The following TUBAL3 variants were observed in gnomAD, a reference collection of about 807,000 sequenced individuals.
TUBAL3 encodes the protein tubulin alpha chain-like 3.
In TUBAL3, 16 loss-of-function variants were observed where a neutral mutation model predicts 15.5. The ratio of observed to expected loss-of-function variants is 1.04; its 90% CI spans 0.70 to 1.57. The LOEUF is 1.57. Among genes scored for constraint, TUBAL3 ranks in the 40% most tolerant of loss-of-function variants. The probability of loss-of-function intolerance (pLI) is 0.00; values close to 1 mark genes in which losing one functional copy is unlikely to be tolerated. For synonymous variants in TUBAL3, 238 were observed against 224.3 expected (o/e 1.06, Z -0.55); for missense variants, 609 against 576.2 (o/e 1.06, Z -0.58).
intron 2 of TUBAL3, 110 bp downstream of exon 2, chr10:5,400,734 G>C (rs1831837232): frequency 1.5e-6 from 2 of 1,376,068 alleles, no homozygotes; most frequent in South Asian, 2.6e-5. Flanking sequence ...ATTTGGGAAA[G>C]GTCCATGTGA....
In TUBAL3 at chr10:5,397,344, T is replaced by C. The variant is rs1554814251; in HGVS notation, c.248-1869A>G. ...CTTACACACAAACCTCCCCCAGAGC[T>C]AGGATGTTTAAAAGATATATTTATA... is the stretch of plus-strand genomic sequence containing the variant. On this transcript the variant is annotated intron_variant, in intron 2 of 3. Transcript: ENST00000380419. The surrounding 1 kb of genome is among the most constrained non-coding windows in gnomAD (Gnocchi z 4.9). Among the ~76,000 whole-genome samples the C allele has an allele frequency of 6.6e-6, 1 of 152,212 alleles. No homozygotes were observed. The highest frequency in any genetic ancestry group is 2.4e-5 in the African/African-American group (1 of 41,446).
Position 5,395,190 on chromosome 10 carries a change from G to T in TUBAL3, c.396+137C>A. 1 of 953,674 alleles carries T rather than the reference G, an allele frequency of 1.0e-6. No homozygotes were observed. Among genetic ancestry groups the T allele is most frequent in the Non-Finnish European group, 1.5e-6 (1 of 685,704 alleles). The allele number at this position is 953,674 out of a possible 1,614,324, so 59.1% of individuals were successfully genotyped here. On this transcript the variant is annotated intron_variant, in intron 3 of 3. Transcript: ENST00000380419. The surrounding 1 kb of genome is among the most constrained non-coding windows in gnomAD (Gnocchi z 4.6). Reference sequence around the variant, plus strand: ...AAGCCAAGATGAGAACCCCTCCCCAGTTCTGAGCACCCAGACCAGAGCCCA... The same window carrying T: ...AAGCCAAGATGAGAACCCCTCCCCATTTCTGAGCACCCAGACCAGAGCCCA...
intron 2 of TUBAL3, among the ~76,000 whole-genome samples, chr10:5,398,238 T>C (rs1254819678): frequency 6.6e-6 from 1 of 151,950 alleles, no homozygotes; most frequent in Non-Finnish European, 1.5e-5. Context: ...CTGGCCAACG[T>C]GGTGAAACCC....
rs782257792 is a variant in TUBAL3, at chr10:5,394,071, G to C, written c.787C>G (p.Gln263Glu). The C allele has an allele frequency of 5.6e-6, 9 of 1,614,208 alleles. No individual in the cohort carries two copies. The highest frequency in any genetic ancestry group is 5.9e-6 in the Non-Finnish European group (7 of 1,180,048). The change falls in exon 4 of 4, where the codon CAG (glutamine) becomes GAG (glutamate). Residue 263 changes from glutamine (Q) to glutamate (E), a missense_variant. Transcript: ENST00000380419. The surrounding 1 kb of genome is among the most constrained non-coding windows in gnomAD (Gnocchi z 4.3). ...GPLNVDLIEF[Q>E]TNLVPYPRIH... ...CTCGGATAAGGTACCAGGTTGGTCTGGAATTCAATTAGGTCTACATTCAAG... is the reference window on the plus strand; with the variant it reads ...CTCGGATAAGGTACCAGGTTGGTCTCGAATTCAATTAGGTCTACATTCAAG...
At position 5,397,150 on chromosome 10, in the gene TUBAL3, C is replaced by G. The variant is rs1401402737; in HGVS notation, c.248-1675G>C. Among the ~76,000 whole-genome samples the G allele has an allele frequency of 6.6e-6, 1 of 152,210 alleles. No individual in the cohort carries two copies. The highest frequency in any genetic ancestry group is 1.5e-5 in the Non-Finnish European group (1 of 68,046). ...TTGGCAGCAGATAGCTGAGCCAGTCCTAGAAGCTCACAGCCTAAGGAGAAA... is the reference window on the plus strand; with the variant it reads ...TTGGCAGCAGATAGCTGAGCCAGTCGTAGAAGCTCACAGCCTAAGGAGAAA... On this transcript the variant is annotated intron_variant, in intron 2 of 3. Coordinates refer to ENST00000380419, the MANE Select transcript of TUBAL3 (RefSeq NM_024803.3). The surrounding 1 kb of genome is among the most constrained non-coding windows in gnomAD (Gnocchi z 4.9).
Position 5,394,544 on chromosome 10 carries a change from G to T in TUBAL3, c.397-83C>A. ...TGGACAGTAGTGGCAGGATACAACAGGTTTCCCCAAAACAAAATCTTTCAG... is the reference window on the plus strand; with the variant it reads ...TGGACAGTAGTGGCAGGATACAACATGTTTCCCCAAAACAAAATCTTTCAG... On this transcript the variant is annotated intron_variant, in intron 3 of 3. Transcript: ENST00000380419. This position sits in a 1 kb window ranked among gnomAD's most constrained non-coding sequence, Gnocchi z 4.3. 1.5e-6 allele frequency: 2 copies of T among 1,310,266 alleles called. No homozygotes were observed. The highest frequency in any genetic ancestry group is 1.5e-5 in the South Asian group (1 of 66,570). 81.2% of individuals were successfully genotyped at this position (1,310,266 alleles called of 1,614,324 possible). A position where few individuals can be genotyped will look rare whatever the true frequency, so the allele number is the denominator to read the frequency against.
intron 2 of TUBAL3, among the ~76,000 whole-genome samples, chr10:5,398,117 T>C (rs879964070): frequency 1.3e-5 from 2 of 151,912 alleles, no homozygotes; most frequent in Admixed American, 6.6e-5. Context: ...TGAGACCCTA[T>C]CTCTATAAAA....
chr10:5,400,952 CAT>C lies in TUBAL3; in HGVS notation c.137_138del (p.Asn46SerfsTer16). ...VLDTQQDQLE[N>X]AKMEHTNASF... ...GATGCATTTGTGTGCTCCATTTTTG[CAT>C]TTTCCAGCTGATCCTGTTGAGTGTC... On this transcript the variant is annotated frameshift_variant, in exon 2 of 4. Coordinates refer to ENST00000380419, the MANE Select transcript of TUBAL3 (RefSeq NM_024803.3). LOFTEE classifies it high-confidence loss of function. 1 of 1,614,236 alleles carries C rather than the reference CAT, an allele frequency of 6.2e-7. No homozygotes were observed. Among genetic ancestry groups the C allele is most frequent in the Non-Finnish European group, 8.5e-7 (1 of 1,180,032 alleles).
Position 5,395,635 on chromosome 10 carries a change from T to C in TUBAL3, c.248-160A>G, listed in dbSNP as rs958136242. Among the ~76,000 whole-genome samples the C allele has an allele frequency of 9.2e-5, 14 of 152,208 alleles. No homozygotes were observed. The highest frequency in any genetic ancestry group is 3.1e-4 in the African/African-American group (13 of 41,442). ...TAGATAGTGCTGAATTAGCCCGTCT[T>C]AGTCCAGGAGAAGTGGAATTTTTTA... On this transcript the variant is annotated intron_variant, in intron 2 of 3. Transcript: ENST00000380419. The surrounding 1 kb of genome is among the most constrained non-coding windows in gnomAD (Gnocchi z 4.6).
intron 1 of TUBAL3, among the ~76,000 whole-genome samples, chr10:5,404,334 C>A (rs185984720): frequency 6.6e-6 from 1 of 152,274 alleles, no homozygotes; most frequent in Non-Finnish European, 1.5e-5. Flanking sequence ...GAACTAAACT[C>A]AAGGGAGGGC....
chr10:5,402,083 G>A (rs1379083314), intron 1 of TUBAL3, among the ~76,000 whole-genome samples: 3 of 152,090 alleles, frequency 2.0e-5, no homozygotes, highest in East Asian at 1.9e-4. Context: ...TGTCCAATAT[G>A]TTCAAAAATA....
rs1384869004 is a variant in TUBAL3, at chr10:5,401,032, C to T, written c.59G>A (p.Cys20Tyr). The change falls in exon 2 of 4, where the codon TGC becomes TAC. Residue 20 changes from cysteine (C) to tyrosine (Y), a missense_variant. Physicochemically the swap from Cys to Tyr is radical, Grantham distance 194 (BLOSUM62 -2). Transcript: ENST00000380419. ...GQAGIQIGDA[C>Y]WELYCLEHGI... The stretch of plus-strand genomic sequence containing the variant: ...ATGTTCCAGGCAATAGAGTTCCCAG[C>T]AGGCGTCCCCAATCTGGATGCCAGC... 1.2e-6 allele frequency: 2 copies of T among 1,614,074 alleles called. No individual in the cohort carries two copies. Among genetic ancestry groups the T allele is most frequent in the Non-Finnish European group, 8.5e-7 (1 of 1,180,040 alleles).
At position 5,396,249 on chromosome 10, in the gene TUBAL3, T is replaced by G. The variant is rs1474191341; in HGVS notation, c.248-774A>C. Among the ~76,000 whole-genome samples the G allele has an allele frequency of 6.6e-6, 1 of 152,002 alleles. No homozygotes were observed. Among genetic ancestry groups the G allele is most frequent in the East Asian group, 1.9e-4 (1 of 5,192 alleles). On this transcript the variant is annotated intron_variant, in intron 2 of 3. Transcript: ENST00000380419. The surrounding 1 kb of genome is among the most constrained non-coding windows in gnomAD (Gnocchi z 5.1). Reference sequence around the variant, plus strand: ...TATCCAGGGCACAGTGGCTCACACCTGTAATCCCAGCACTTTGGGAGGCTG... The same window carrying G: ...TATCCAGGGCACAGTGGCTCACACCGGTAATCCCAGCACTTTGGGAGGCTG...
Position 5,395,330 on chromosome 10 carries a change from C to A in TUBAL3, c.393G>T (p.Lys131Asn). 1 of 1,545,176 alleles carries A rather than the reference C, an allele frequency of 6.5e-7. No homozygotes were observed. The change falls in exon 3 of 4, where the codon AAG (lysine) becomes AAT (asparagine). Residue 131 changes from lysine (K) to asparagine (N), a missense_variant. Lys to Asn is a moderately conservative substitution (Grantham distance 94). Transcript: ENST00000380419. The surrounding 1 kb of genome is among the most constrained non-coding windows in gnomAD (Gnocchi z 4.6). ...VIDLVLERTR[K>N]LAEQCGGLQG... ...GAGGAGAGGGGGAGCCACTTGCCAG[C>A]TTCCGGGTCCTCTCCAGCACAAGGT...
In TUBAL3 at chr10:5,394,387, C is replaced by G. The variant is rs12359438; in HGVS notation, c.471G>C (p.Thr157=). 1 of 1,614,092 alleles carries G rather than the reference C, an allele frequency of 6.2e-7. No homozygotes were observed. Among genetic ancestry groups the G allele is most frequent in the East Asian group, 2.2e-5 (1 of 44,884 alleles). Residue 157 remains threonine (T), a synonymous_variant, in exon 4 of 4, where the codon ACG becomes ACC. Transcript: ENST00000380419. This position sits in a 1 kb window ranked among gnomAD's most constrained non-coding sequence, Gnocchi z 4.3. ...CTGTGAGCCTCTCCATTAAGAGAGA[C>G]GTAAACCCTGAACCAGTGCCTCCTC... ...SFGGGTGSGF[T]SLLMERLTGE...
In TUBAL3 at chr10:5,393,486, T is replaced by C. The variant is rs782350511; in HGVS notation, c.*31A>G. The C allele has an allele frequency of 1.6e-5, 25 of 1,536,880 alleles. No homozygotes were observed. The highest frequency in any genetic ancestry group is 3.5e-4 in the Middle Eastern group (2 of 5,744). Reference sequence around the variant, plus strand: ...TGAAAAGAAAACATGCCATTTTAACTTGACATTCATTTGCACCCATCATAC... The same window carrying C: ...TGAAAAGAAAACATGCCATTTTAACCTGACATTCATTTGCACCCATCATAC... On this transcript the variant is annotated 3_prime_UTR_variant, in exon 4 of 4. Coordinates refer to ENST00000380419, the MANE Select transcript of TUBAL3 (RefSeq NM_024803.3).
chr10:5,395,472 C>A lies in TUBAL3; in HGVS notation c.251G>T (p.Gly84Val). ...FVDLEPTVID[G>V]IRTGQHRSLF... ...TGAACGGTGCTGGCCCGTCCGGATC[C>A]CATCTGCAGAGGGTGAAAGGAGGTC... The change falls in exon 3 of 4, where the codon GGG becomes GTG. Residue 84 changes from glycine to valine, a missense_variant. Gly to Val is a moderately radical substitution (Grantham distance 109). Coordinates refer to ENST00000380419, the MANE Select transcript of TUBAL3 (RefSeq NM_024803.3). The surrounding 1 kb of genome is among the most constrained non-coding windows in gnomAD (Gnocchi z 4.6). 6.6e-7 allele frequency: 1 copy of A among 1,521,566 alleles called. No individual in the cohort carries two copies. The highest frequency in any genetic ancestry group is 2.5e-5 in the East Asian group (1 of 40,590). 94.3% of individuals were successfully genotyped at this position (1,521,566 alleles called of 1,614,324 possible). A position where few individuals can be genotyped will look rare whatever the true frequency, so the allele number is the denominator to read the frequency against.
chr10:5,393,902 T>C lies in TUBAL3; in HGVS notation c.956A>G (p.Tyr319Cys). 6.2e-7 allele frequency: 1 copy of C among 1,614,236 alleles called. No homozygotes were observed. Among genetic ancestry groups the C allele is most frequent in the South Asian group, 1.1e-5 (1 of 91,086 alleles). The change falls in exon 4 of 4, where the codon TAC (tyrosine) becomes TGC (cysteine). Residue 319 changes from tyrosine (Y) to cysteine (C), a missense_variant. By Grantham distance (194) the Tyr-to-Cys change is radical. Coordinates refer to ENST00000380419, the MANE Select transcript of TUBAL3 (RefSeq NM_024803.3). ...TCTATAGAGTAGGCAGCAGGCCATGTACTTCCCAAGCCGAGGATCACACTT... is the reference window on the plus strand; with the variant it reads ...TCTATAGAGTAGGCAGCAGGCCATGCACTTCCCAAGCCGAGGATCACACTT... Reference protein sequence around the residue: ...LVKCDPRLGKYMACCLLYRGD... With the variant: ...LVKCDPRLGKCMACCLLYRGD...
At position 5,395,392 on chromosome 10, in the gene TUBAL3, CG is replaced by C. The variant is rs1831748159; in HGVS notation, c.330del (p.Tyr110Ter). 1 of 1,606,862 alleles carries C rather than the reference CG, an allele frequency of 6.2e-7. No homozygotes were observed. On this transcript the variant is annotated frameshift_variant, in exon 3 of 4. Transcript: ENST00000380419. LOFTEE classifies it high-confidence loss of function. The surrounding 1 kb of genome is among the most constrained non-coding windows in gnomAD (Gnocchi z 4.6). ...GACCCCACAGAGTAACGGCCTCGCG[CG>C]TAATTGTTAGCAGCATCCTCCTTTC... ...LSGKEDAANN[Y>X]ARGRYSVGSE...
Sources: gnomAD v4.1 joint callset for allele counts (sites outside exome capture counted in the v4.1 genomes callset) on GRCh38, gnomAD v4.1.1 for gene constraint, Gnocchi (gnomAD v3.1) non-coding constraint, MANE v1.5 for transcripts, NCBI Gene and HGNC (gene_info 2026-07-23, HGNC 2026-07-21) for gene names.